TSPAN32: variants seen among roughly 807,000 people sequenced by gnomAD.
TSPAN32 encodes tetraspanin-32.
Under a neutral mutation model 42.7 loss-of-function variants are expected in TSPAN32, and 47 were observed. That is an observed-to-expected ratio of 1.10 (90% CI 0.87 to 1.40). The LOEUF is 1.40. Among genes scored for constraint, TSPAN32 ranks in the 40% most tolerant of loss-of-function variants. The pLI is 0.00. For missense variants in TSPAN32, 469 were observed against 424.1 expected (o/e 1.11, Z -0.93); for synonymous variants, 175 against 175.9 (o/e 0.99, Z 0.04).
Position 2,307,345 on chromosome 11 carries a change from C to G in TSPAN32, c.280-1391C>G, listed in dbSNP as rs571085294. 3.0e-3 allele frequency among the ~76,000 whole-genome samples: 455 copies of G among 152,332 alleles called. 2 individuals are homozygous for G. The highest frequency in any genetic ancestry group is 0.011 in the African/African-American group (440 of 41,580). ...CCTGGCATCACCCTGAATGGGGCCC[C>G]AGGGTTTGAAGGGCCCAGACCCAAC... is the stretch of plus-strand genomic sequence containing the variant. On this transcript the variant is annotated intron_variant, in intron 3 of 9. Transcript: ENST00000182290.
rs762986850 is a variant in TSPAN32, at chr11:2,313,647, G to A, written c.355-7G>A. The A allele has an allele frequency of 2.6e-5, 42 of 1,597,636 alleles. No homozygotes were observed. The highest frequency in any genetic ancestry group is 3.4e-5 in the South Asian group (3 of 88,246). The stretch of plus-strand genomic sequence containing the variant: ...GGCCAGGACCTCCCTGTGGTCTCTC[G>A]GTGCAGGTGGAGGACGCCATGCTGG... On this transcript the variant is annotated splice_polypyrimidine_tract_variant and splice_region_variant and intron_variant, in intron 4 of 9. Coordinates refer to ENST00000182290, the MANE Select transcript of TSPAN32 (RefSeq NM_139022.3). This position sits in a 1 kb window ranked among gnomAD's most constrained non-coding sequence, Gnocchi z 9.1.
chr11:2,308,741 C>T lies in TSPAN32; in HGVS notation c.285C>T (p.Phe95=), dbSNP rs1318408674. ...REAQGLMAGG[F]LCFSLAFCAQ... is the part of the protein sequence containing the mutation. The stretch of plus-strand genomic sequence containing the variant: ...CAGCCCCGCTCTGCCCCCAGGGCTT[C>T]CTGTGCTTCTCCCTGGCGTTCTGCG... The change falls in exon 4 of 10, where the codon TTC becomes TTT. Residue 95 remains phenylalanine, a synonymous_variant. Coordinates refer to ENST00000182290, the MANE Select transcript of TSPAN32 (RefSeq NM_139022.3). The T allele has an allele frequency of 6.4e-7, 1 of 1,571,690 alleles. No individual in the cohort carries two copies.
chr11:2,308,353 G>A (rs946081661), intron 3 of TSPAN32, among the ~76,000 whole-genome samples: 5 of 151,954 alleles, frequency 3.3e-5, no homozygotes, highest in Middle Eastern at 3.4e-3. Flanking sequence ...CCCTGCCCAG[G>A]CCTGCCAGGC....
Position 2,308,762 on chromosome 11 carries a change from C to A in TSPAN32, c.306C>A (p.Phe102Leu). Residue 102 changes from phenylalanine to leucine, a missense_variant, in exon 4 of 10, where the codon TTC (phenylalanine) becomes TTA (leucine). Phe to Leu is a conservative substitution (Grantham distance 22). Coordinates refer to ENST00000182290, the MANE Select transcript of TSPAN32 (RefSeq NM_139022.3). ...AGGFLCFSLA[F>L]CAQVQVVFWR... ...GCTTCCTGTGCTTCTCCCTGGCGTT[C>A]TGCGCACAGGTGCAGGTGGTGTTCT... is the stretch of plus-strand genomic sequence containing the variant. 1 of 1,575,302 alleles carries A rather than the reference C, an allele frequency of 6.3e-7. No homozygotes were observed. Among genetic ancestry groups the A allele is most frequent in the Non-Finnish European group, 8.6e-7 (1 of 1,160,440 alleles).
At chr11:2,306,518 C>T (rs1848098112) in intron 3 of TSPAN32, among the ~76,000 whole-genome samples, 1 of 151,550 alleles carries the variant, frequency 6.6e-6, no homozygotes, top group Non-Finnish European at 1.5e-5. Context: ...CCAAGATCCT[C>T]TCTGCGCGGG....
intron 3 of TSPAN32, chr11:2,306,976 A>G (rs1263601927): frequency 5.4e-4 from 3 of 5,600 alleles, no homozygotes; most frequent in African/African-American, 1.7e-3. Flanking sequence ...GAGGAAAGAG[A>G]AAAGAGGAAA....
intron 6 of TSPAN32, chr11:2,315,841 T>C (rs1385783703): frequency 1.5e-6 from 2 of 1,365,134 alleles, no homozygotes; most frequent in African/African-American, 1.5e-5. Flanking sequence ...CTGCCCTCCC[T>C]GTTAGCCATC....
intron 2 of TSPAN32, 45 bp downstream of exon 2, chr11:2,303,003 G>A (rs1589792905): frequency 1.9e-6 from 3 of 1,552,184 alleles, no homozygotes; most frequent in South Asian, 1.1e-5. Flanking sequence ...GGCCTCGGGT[G>A]CAAGGGTGGC....
At chr11:2,305,522 T>C (rs1344659532) in intron 3 of TSPAN32, among the ~76,000 whole-genome samples, 3 of 152,186 alleles carry the variant, frequency 2.0e-5, no homozygotes, top group Non-Finnish European at 4.4e-5. Context: ...GGGGGTGCCA[T>C]GGTGCTGGGC....
Position 2,314,516 on chromosome 11 carries a change from G to T in TSPAN32, c.488G>T (p.Ser163Ile). The change falls in exon 6 of 10, where the codon AGC becomes ATC. Residue 163 changes from serine to isoleucine, a missense_variant. By Grantham distance (142) the Ser-to-Ile change is moderately radical. Transcript: ENST00000182290. ...TGCTGTGGGAAGAAGTCTCCTTTCA[G>T]CCGTCTGGGGAGCACAGAGGCTGAC... Reference protein sequence around the residue: ...FLCCGKKSPFSRLGSTEADLC... With the variant: ...FLCCGKKSPFIRLGSTEADLC... 2 of 1,612,624 alleles carry T rather than the reference G, an allele frequency of 1.2e-6. No homozygotes were observed. Among genetic ancestry groups the T allele is most frequent in the Non-Finnish European group, 1.7e-6 (2 of 1,179,456 alleles).
chr11:2,317,310 T>G lies in TSPAN32; in HGVS notation c.720-34T>G. On this transcript the variant is annotated intron_variant, in intron 8 of 9. Coordinates refer to ENST00000182290, the MANE Select transcript of TSPAN32 (RefSeq NM_139022.3). This position sits in a 1 kb window ranked among gnomAD's most constrained non-coding sequence, Gnocchi z 6.2. ...GCCTCACAGGTCCCCTGTAGAACAT[T>G]CCACCACAGCCCCATGATCCCCTTG... 1 of 1,543,704 alleles carries G rather than the reference T, an allele frequency of 6.5e-7. No homozygotes were observed. The highest frequency in any genetic ancestry group is 8.8e-7 in the Non-Finnish European group (1 of 1,136,158).
intron 8 of TSPAN32, 54 bp downstream of exon 8, chr11:2,316,721 C>T (rs1413878335): frequency 6.0e-6 from 9 of 1,487,864 alleles, no homozygotes; most frequent in African/African-American, 2.8e-5. Flanking sequence ...CAGCTCTGCT[C>T]GAGAGGCATC....
At chr11:2,314,446 C>A in intron 5 of TSPAN32, 39 bp from the exon 6 acceptor site, 1 of 1,541,774 alleles carries the variant, frequency 6.5e-7, no homozygotes, top group South Asian at 1.2e-5. Context: ...CCTGGGGTCT[C>A]GGGAGCACAT....
At chr11:2,312,618 G>T (rs921066414) in intron 4 of TSPAN32, among the ~76,000 whole-genome samples, 2 of 152,226 alleles carry the variant, frequency 1.3e-5, no homozygotes, top group African/African-American at 4.8e-5. Context: ...CCCACTGCCC[G>T]CCCAGTTGGC....
In TSPAN32 at chr11:2,313,686, G is replaced by C. The variant is rs779628656; in HGVS notation, c.387G>C (p.Leu129=). ...ACGCCATGCTGGACACCTACGACCT[G>C]GTATATGAGCAGGCGATGAAAGGTA... is the stretch of plus-strand genomic sequence containing the variant. ...VEDAMLDTYD[L]VYEQAMKGTS... Residue 129 remains leucine (L), a synonymous_variant, in exon 5 of 10, where the codon CTG becomes CTC. Transcript: ENST00000182290. This position sits in a 1 kb window ranked among gnomAD's most constrained non-coding sequence, Gnocchi z 9.1. 1 of 1,609,070 alleles carries C rather than the reference G, an allele frequency of 6.2e-7. No individual in the cohort carries two copies. Among genetic ancestry groups the C allele is most frequent in the East Asian group, 2.2e-5 (1 of 44,704 alleles).
At position 2,313,539 on chromosome 11, in the gene TSPAN32, GCTGGGACGTCACTCAGCAC is replaced by G; in HGVS notation, c.355-114_355-96del. 1 of 772,192 alleles carries G rather than the reference GCTGGGACGTCACTCAGCAC, an allele frequency of 1.3e-6. No individual in the cohort carries two copies. The highest frequency in any genetic ancestry group is 2.1e-6 in the Non-Finnish European group (1 of 477,170). 47.8% of individuals were successfully genotyped at this position (772,192 alleles called of 1,614,324 possible). A position where few individuals can be genotyped will look rare whatever the true frequency, so the allele number is the denominator to read the frequency against. On this transcript the variant is annotated intron_variant, in intron 4 of 9. Transcript: ENST00000182290. The surrounding 1 kb of genome is among the most constrained non-coding windows in gnomAD (Gnocchi z 9.1). Reference sequence around the variant, plus strand: ...ATCCACCTGCTACAAGGAGGGCAGTGCTGGGACGTCACTCAGCACTAAGGGCCCACTAGCGTTTGGGATG... The same window carrying G: ...ATCCACCTGCTACAAGGAGGGCAGTGTAAGGGCCCACTAGCGTTTGGGATG...
At chr11:2,311,355 T>G (rs934221725) in intron 4 of TSPAN32, among the ~76,000 whole-genome samples, 3 of 152,086 alleles carry the variant, frequency 2.0e-5, no homozygotes, top group Non-Finnish European at 4.4e-5. Flanking sequence ...CAGGGATGAA[T>G]GTGGAGCTTG....
At chr11:2,302,500 C>T (rs1480205275) in intron 1 of TSPAN32, among the ~76,000 whole-genome samples, 2 of 152,052 alleles carry the variant, frequency 1.3e-5, no homozygotes, top group East Asian at 3.9e-4. Context: ...CACTGGCTGC[C>T]GGGCTCCAGG....
Position 2,317,278 on chromosome 11 carries a change from C to T in TSPAN32, c.720-66C>T, listed in dbSNP as rs1848850901. 7.5e-7 allele frequency: 1 copy of T among 1,327,992 alleles called. No homozygotes were observed. Among genetic ancestry groups the T allele is most frequent in the South Asian group, 1.3e-5 (1 of 76,954 alleles). The allele number at this position is 1,327,992 out of a possible 1,614,324, so 82.3% of individuals were successfully genotyped here. ...CCCCATGATCCCCTCTAGAACATTC[C>T]ACAATAGCCTCACAGGTCCCCTGTA... On this transcript the variant is annotated intron_variant, in intron 8 of 9. Transcript: ENST00000182290. This position sits in a 1 kb window ranked among gnomAD's most constrained non-coding sequence, Gnocchi z 6.2.
Sources: gnomAD v4.1 joint callset for allele counts (sites outside exome capture counted in the v4.1 genomes callset) on GRCh38, gnomAD v4.1.1 for gene constraint, Gnocchi (gnomAD v3.1) non-coding constraint, MANE v1.5 for transcripts, NCBI Gene and HGNC (gene_info 2026-07-23, HGNC 2026-07-21) for gene names.